MMP16: variants seen among roughly 807,000 people sequenced by gnomAD.
MMP16 encodes matrix metallopeptidase 16, also known as matrix metalloproteinase-16.
Under a neutral mutation model 67.8 loss-of-function variants are expected in MMP16, and 12 were observed. The ratio of observed to expected loss-of-function variants is 0.18; its 90% CI spans 0.11 to 0.29. The LOEUF is 0.29. MMP16 is among the 10% of genes least tolerant of loss of function. The pLI, the probability that MMP16 is intolerant of heterozygous loss-of-function variation, is 1.00. For missense variants in MMP16, 475 were observed against 765.7 expected, an observed-to-expected ratio of 0.62 and a Z score of 4.48; for synonymous variants, 249 against 255.9, an observed-to-expected ratio of 0.97 and a Z score of 0.26.
chr8:88,189,341 T>G (rs774121659), intron 2 of MMP16, among the ~76,000 whole-genome samples: 1 of 152,074 alleles, frequency 6.6e-6, no homozygotes, highest in African/African-American at 2.4e-5. Context: ...ATCATGATAT[T>G]CCTACCCCAA....
At position 88,068,502 on chromosome 8, in the gene MMP16, T is replaced by G. The variant is rs368842622; in HGVS notation, c.1222+6103A>C. ...GTCACAAACTTTTGTATCCTATGTT[T>G]TATCTAGGAGTTTTATAGATTCAGC... On this transcript the variant is annotated intron_variant, in intron 7 of 9. Coordinates refer to ENST00000286614, the MANE Select transcript of MMP16 (RefSeq NM_005941.5). Among the ~76,000 whole-genome samples the G allele has an allele frequency of 1.0e-3, 154 of 152,248 alleles. 1 individual carries two copies. Among genetic ancestry groups the G allele is most frequent in the African/African-American group, 3.5e-3 (146 of 41,572 alleles).
rs1808119052 is a variant in MMP16, at chr8:88,040,646, T to G, written c.*815A>C. On this transcript the variant is annotated 3_prime_UTR_variant, in exon 10 of 10. Transcript: ENST00000286614. ...GGAGGAGTAAGGTGGAAAGAAGGGG[T>G]TTAGAAATACTTCAAAAACAATTAA... The G allele has an allele frequency of 6.6e-6, 1 of 152,428 alleles. No homozygotes were observed. The highest frequency in any genetic ancestry group is 2.4e-5 in the African/African-American group (1 of 41,378). The allele number at this position is 152,428 out of a possible 1,614,324, so 9.4% of individuals were successfully genotyped here.
At chr8:88,184,563 GAAAAAAAAAAA>G (rs59310737) in intron 3 of MMP16, among the ~76,000 whole-genome samples, 63 of 10,938 alleles carry the variant, frequency 5.8e-3, no homozygotes, top group African/African-American at 0.03. Context: ...CTCTCTCTCT[GAAAAAAAAAAA>G]AAAAAAAAAA....
In MMP16 at chr8:88,143,713, G is replaced by A. The variant is rs561561818; in HGVS notation, c.709+23956C>T. On this transcript the variant is annotated intron_variant, in intron 4 of 9. Coordinates refer to ENST00000286614, the MANE Select transcript of MMP16 (RefSeq NM_005941.5). ...GAACAGGAGTTTATGATGGAAGGAA[G>A]TGGGCATAAAATGCAGTCATTGTTT... Among the ~76,000 whole-genome samples, 31 of 152,054 alleles carry A rather than the reference G, an allele frequency of 2.0e-4. No homozygotes were observed. The South Asian group carries it at 4.6e-3, about 22-fold the overall frequency.
intron 1 of MMP16, among the ~76,000 whole-genome samples, chr8:88,319,251 T>C (rs978289984): frequency 2.0e-5 from 3 of 152,166 alleles, no homozygotes; most frequent in Non-Finnish European, 4.4e-5. Context: ...TGCTCTTGAC[T>C]TTTCTATGTT....
chr8:88,247,733 T>A lies in MMP16; in HGVS notation c.133-50427A>T, dbSNP rs1050364960. Among the ~76,000 whole-genome samples the A allele has an allele frequency of 2.6e-5, 4 of 152,126 alleles. No homozygotes were observed. In the East Asian group the frequency reaches 7.7e-4, roughly 29 times the overall value. On this transcript the variant is annotated intron_variant, in intron 1 of 9. Coordinates refer to ENST00000286614, the MANE Select transcript of MMP16 (RefSeq NM_005941.5). ...GAATAGGCAATGTATTAACATAGAC[T>A]TCAGCTGTACCTTCGCTCCACACTG... is the stretch of plus-strand genomic sequence containing the variant.
chr8:88,236,239 C>T (rs781083963), intron 1 of MMP16, among the ~76,000 whole-genome samples: 2 of 152,138 alleles, frequency 1.3e-5, no homozygotes, highest in Non-Finnish European at 2.9e-5. Flanking sequence ...TTCTAGAGTC[C>T]AAAAGTCTGC....
rs144318037 is a variant in MMP16 at position 88,128,149 on chromosome 8, CTTCA to C, written c.710-9292_710-9289del. Among the ~76,000 whole-genome samples the C allele has an allele frequency of 6.8e-3, 1,036 of 151,892 alleles. 10 individuals are homozygous for C. The highest frequency in any genetic ancestry group is 0.024 in the African/African-American group (988 of 41,496). ...CTGTTTCCTATCAGCCTTTTGAATC[CTTCA>C]TAAAGTTGGAAGCCAGTACATGCTT... On this transcript the variant is annotated intron_variant, in intron 4 of 9. Transcript: ENST00000286614.
chr8:88,164,685 G>A (rs906777524), intron 4 of MMP16, among the ~76,000 whole-genome samples: 1 of 152,090 alleles, frequency 6.6e-6, no homozygotes, highest in Middle Eastern at 3.4e-3. Flanking sequence ...GACAGGTAAA[G>A]ACATAGTTTC....
chr8:88,149,628 C>A (rs1808365499), intron 4 of MMP16, among the ~76,000 whole-genome samples: 1 of 151,522 alleles, frequency 6.6e-6, no homozygotes, highest in Non-Finnish European at 1.5e-5. Context: ...CAGGGTATTC[C>A]AACAGACCTG....
At chr8:88,107,197 T>C (rs1292165552) in intron 6 of MMP16, among the ~76,000 whole-genome samples, 5 of 151,166 alleles carry the variant, frequency 3.3e-5, no homozygotes, top group Non-Finnish European at 5.9e-5. Context: ...AATCCAGTAG[T>C]ACAGTCTTTT....
At chr8:88,149,584 C>T in intron 4 of MMP16, among the ~76,000 whole-genome samples, 1 of 151,978 alleles carries the variant, frequency 6.6e-6, no homozygotes, top group East Asian at 1.9e-4. Flanking sequence ...CTGGGAGGCA[C>T]CCCCCAGCAG....
At chr8:88,227,404 A>G (rs901281685) in intron 1 of MMP16, among the ~76,000 whole-genome samples, 1 of 152,080 alleles carries the variant, frequency 6.6e-6, no homozygotes, top group African/African-American at 2.4e-5. Flanking sequence ...ATTTCACAAC[A>G]TCATATTTAA....
intron 8 of MMP16, among the ~76,000 whole-genome samples, chr8:88,055,892 TG>T (rs1399173160): frequency 6.6e-6 from 1 of 151,808 alleles, no homozygotes. Context: ...TATGGGGAAA[TG>T]AAAAAAAACA....
At chr8:88,091,701 G>A (rs1007732901) in intron 6 of MMP16, among the ~76,000 whole-genome samples, 28 of 151,658 alleles carry the variant, frequency 1.8e-4, no homozygotes, top group Admixed American at 1.6e-3. Flanking sequence ...CAATTAATAC[G>A]TCCCCAAACA....
chr8:88,066,593 G>C (rs940860569), intron 7 of MMP16, among the ~76,000 whole-genome samples: 6 of 152,022 alleles, frequency 3.9e-5, no homozygotes, highest in Non-Finnish European at 7.4e-5. Flanking sequence ...CCAAATGGCT[G>C]ACTTTCAGTA....
chr8:88,261,369 T>C (rs779869056), intron 1 of MMP16, among the ~76,000 whole-genome samples: 5 of 152,104 alleles, frequency 3.3e-5, no homozygotes, highest in African/African-American at 4.8e-5. Context: ...CAGAAAAATA[T>C]GTTACTGTAT....
At chr8:88,300,176 C>G (rs369762866) in intron 1 of MMP16, among the ~76,000 whole-genome samples, 1 of 152,142 alleles carries the variant, frequency 6.6e-6, no homozygotes, top group Non-Finnish European at 1.5e-5. Flanking sequence ...TGCATTCTAT[C>G]AGGGGAAACT....
chr8:88,166,400 A>C (rs1345529823), intron 4 of MMP16, among the ~76,000 whole-genome samples: 1 of 151,924 alleles, frequency 6.6e-6, no homozygotes, highest in Non-Finnish European at 1.5e-5. Flanking sequence ...TAAAACACAG[A>C]ATTGAATTAT....
Sources: allele counts gnomAD v4.1 joint callset (sites outside exome capture counted in the v4.1 genomes callset), GRCh38; gene constraint gnomAD v4.1.1; transcripts MANE v1.5; gene names NCBI Gene and HGNC (gene_info 2026-07-23, HGNC 2026-07-21).